YAP1: variants seen among roughly 807,000 people sequenced by gnomAD.
YAP1 encodes Yes1 associated transcriptional regulator.
Under a neutral mutation model 56.9 loss-of-function variants are expected in YAP1, and 5 were observed. The observed-to-expected ratio is 0.09, with a 90% confidence interval of 0.05 to 0.18. The LOEUF is 0.18. Ranked by LOEUF, YAP1 falls within the 10% of genes least tolerant of loss-of-function variation. The pLI, the probability that YAP1 is intolerant of heterozygous loss-of-function variation, is 1.00. For synonymous variants in YAP1, 265 were observed against 248.1 expected (o/e 1.07, Z -0.64); for missense variants, 539 against 651.8 (o/e 0.83, Z 1.88).
intron 4 of YAP1, among the ~76,000 whole-genome samples, chr11:102,189,737 T>C (rs144192775): frequency 5.2e-4 from 79 of 152,296 alleles, no homozygotes; most frequent in African/African-American, 1.9e-3. Flanking sequence ...CGTGTGTATG[T>C]GTTACTATAA....
At chr11:102,120,802 T>A (rs534613123) in intron 2 of YAP1, among the ~76,000 whole-genome samples, 4 of 152,358 alleles carry the variant, frequency 2.6e-5, no homozygotes, top group Non-Finnish European at 5.9e-5. Context: ...GATAGTGTGC[T>A]TGTTAAAGTG....
At chr11:102,138,328 A>C (rs1944802340) in intron 2 of YAP1, among the ~76,000 whole-genome samples, 1 of 152,180 alleles carries the variant, frequency 6.6e-6, no homozygotes, top group Non-Finnish European at 1.5e-5. Flanking sequence ...GCCTGAAGTC[A>C]CTCATGCATC....
chr11:102,124,264 T>A (rs1420311219), intron 2 of YAP1, among the ~76,000 whole-genome samples: 4 of 152,220 alleles, frequency 2.6e-5, no homozygotes, highest in Non-Finnish European at 4.4e-5. Context: ...TCCATTTTCT[T>A]CTAGCTTCCA....
rs779958995 is a variant in YAP1, at chr11:102,206,049, T to G, written c.959T>G (p.Leu320Arg). The G allele has an allele frequency of 5.0e-6, 8 of 1,613,838 alleles. No individual in the cohort carries two copies. Among genetic ancestry groups the G allele is most frequent in the Middle Eastern group, 3.3e-4 (2 of 6,024 alleles). The change falls in exon 5 of 9, where the codon CTG becomes CGG. Residue 320 changes from leucine (L) to arginine (R), a missense_variant. Physicochemically the swap from Leu to Arg is moderately radical, Grantham distance 102. This residue lies in a region of YAP1 where 414 missense variants were observed against 512.4 expected (regional missense o/e 0.81). Coordinates refer to ENST00000282441, the MANE Select transcript of YAP1 (RefSeq NM_001130145.3). ...QLQMEKERLR[L>R]KQQELLRQAM... is the part of the protein sequence containing the mutation. ...CAGATGGAGAAGGAGAGGCTGCGGC[T>G]GAAACAGCAAGAACTGCTTCGGCAG...
intron 2 of YAP1, among the ~76,000 whole-genome samples, chr11:102,153,040 C>CGT (rs1339396078): frequency 2.6e-5 from 4 of 152,172 alleles, no homozygotes; most frequent in Non-Finnish European, 5.9e-5. Flanking sequence ...GGAGACATGA[C>CGT]GTAGTGATCT....
chr11:102,171,048 T>C (rs1175377781), intron 3 of YAP1, among the ~76,000 whole-genome samples: 2 of 152,144 alleles, frequency 1.3e-5, no homozygotes, highest in African/African-American at 4.8e-5. Context: ...TTATTACATA[T>C]TGGGGCATAA....
intron 3 of YAP1, among the ~76,000 whole-genome samples, chr11:102,172,225 T>C (rs1383478529): frequency 4.7e-5 from 7 of 148,702 alleles, no homozygotes. Flanking sequence ...TTGTGGCAGA[T>C]GTATGCACTG....
chr11:102,174,544 A>G (rs1385355149), intron 3 of YAP1, among the ~76,000 whole-genome samples: 1 of 151,936 alleles, frequency 6.6e-6, no homozygotes, highest in Non-Finnish European at 1.5e-5. Context: ...AGATTGCGCC[A>G]CTGCACTCCA....
intron 2 of YAP1, among the ~76,000 whole-genome samples, chr11:102,128,751 G>A (rs1053218400): frequency 2.6e-5 from 4 of 152,200 alleles, no homozygotes; most frequent in African/African-American, 7.2e-5. Flanking sequence ...TTGGATTCTG[G>A]TCAGAGAGCC....
At chr11:102,113,643 G>A (rs1943102790) in intron 1 of YAP1, among the ~76,000 whole-genome samples, 1 of 151,804 alleles carries the variant, frequency 6.6e-6, no homozygotes, top group Non-Finnish European at 1.5e-5. Flanking sequence ...TTTATTGATG[G>A]CATTTTATCA....
chr11:102,132,536 C>A lies in YAP1; in HGVS notation c.572+18142C>A, dbSNP rs577542847. On this transcript the variant is annotated intron_variant, in intron 2 of 8. Coordinates refer to ENST00000282441, the MANE Select transcript of YAP1 (RefSeq NM_001130145.3). ...GTTTCAAAGTGAGGACTATGCATTA[C>A]ACAAACATTGTTAACTATAATTGTA... is the stretch of plus-strand genomic sequence containing the variant. Among the ~76,000 whole-genome samples, 140 of 152,322 alleles carry A rather than the reference C, an allele frequency of 9.2e-4. 1 individual carries two copies. The highest frequency in any genetic ancestry group is 1.5e-5 in the Non-Finnish European group (1 of 68,020).
chr11:102,140,103 A>G lies in YAP1; in HGVS notation c.573-22353A>G, dbSNP rs547172747. 7.5e-4 allele frequency among the ~76,000 whole-genome samples: 114 copies of G among 152,212 alleles called. 4 individuals carry two copies. The South Asian group carries it at 0.022, about 30-fold the overall frequency. ...AGAACCTTTCCACTTTTTGGTGTCA[A>G]AGTTTTAAAGCATAGTAGCTTTTCT... On this transcript the variant is annotated intron_variant, in intron 2 of 8. Transcript: ENST00000282441.
rs115210719 is a variant in YAP1 at position 102,191,987 on chromosome 11, C to T, written c.802+5856C>T. Among the ~76,000 whole-genome samples the T allele has an allele frequency of 6.6e-3, 1,007 of 152,208 alleles. 18 individuals carry two copies. Among genetic ancestry groups the T allele is most frequent in the African/African-American group, 0.023 (973 of 41,540 alleles). ...TAGGGCCTGGCCAAGTTTCTAATTACGTAAGAGAATTTAAGATCTCTGATT... is the reference window on the plus strand; with the variant it reads ...TAGGGCCTGGCCAAGTTTCTAATTATGTAAGAGAATTTAAGATCTCTGATT... On this transcript the variant is annotated intron_variant, in intron 4 of 8. Transcript: ENST00000282441.
At chr11:102,184,426 G>GTGTA (rs1169433145) in intron 3 of YAP1, among the ~76,000 whole-genome samples, 3 of 152,312 alleles carry the variant, frequency 2.0e-5, no homozygotes, top group East Asian at 3.9e-4. Flanking sequence ...AACTTGGGAT[G>GTGTA]TGTACAACAA....
intron 6 of YAP1, among the ~76,000 whole-genome samples, chr11:102,211,659 T>G (rs1949409090): frequency 6.6e-6 from 1 of 152,148 alleles, no homozygotes; most frequent in African/African-American, 2.4e-5. Flanking sequence ...CTAAATAACC[T>G]TAAGGTAGAT....
At chr11:102,179,167 T>C (rs1463569974) in intron 3 of YAP1, among the ~76,000 whole-genome samples, 1 of 151,922 alleles carries the variant, frequency 6.6e-6, no homozygotes, top group Non-Finnish European at 1.5e-5. Flanking sequence ...TACGTCTCAT[T>C]AAAATGCTGG....
At chr11:102,179,565 C>A (rs147186304) in intron 3 of YAP1, among the ~76,000 whole-genome samples, 1 of 152,262 alleles carries the variant, frequency 6.6e-6, no homozygotes, top group African/African-American at 2.4e-5. Flanking sequence ...TGCCCATGCC[C>A]GGAATGTCAC....
chr11:102,187,888 AT>A (rs1273641092), intron 4 of YAP1, among the ~76,000 whole-genome samples: 1 of 152,174 alleles, frequency 6.6e-6, no homozygotes, highest in Non-Finnish European at 1.5e-5. Flanking sequence ...CTCTTATTGC[AT>A]TTAGTTTCCC....
At position 102,232,927 on chromosome 11, in the gene YAP1, C is replaced by A. The variant is rs1048827121; in HGVS notation, c.*2987C>A. The A allele has an allele frequency of 2.0e-5, 3 of 152,244 alleles. No individual in the cohort carries two copies. The highest frequency in any genetic ancestry group is 7.2e-5 in the African/African-American group (3 of 41,442). The allele number at this position is 152,244 out of a possible 1,614,324, so 9.4% of individuals were successfully genotyped here. Reference sequence around the variant, plus strand: ...AGTGACTTTGCTACAAATAATGTTGCTGTGTTAAGTATTCATATTAAATAC... The same window carrying A: ...AGTGACTTTGCTACAAATAATGTTGATGTGTTAAGTATTCATATTAAATAC... On this transcript the variant is annotated 3_prime_UTR_variant, in exon 9 of 9. Coordinates refer to ENST00000282441, the MANE Select transcript of YAP1 (RefSeq NM_001130145.3).
Sources: allele counts gnomAD v4.1 joint callset (sites outside exome capture counted in the v4.1 genomes callset), GRCh38; gene constraint gnomAD v4.1.1; regional missense constraint gnomAD v4.1.1; transcripts MANE v1.5; gene names NCBI Gene and HGNC (gene_info 2026-07-23, HGNC 2026-07-21).